The following RBMS3 variants were observed in gnomAD, a reference collection of about 807,000 sequenced individuals.
The protein encoded by RBMS3 is RNA-binding motif, single-stranded-interacting protein 3.
A neutral mutation model predicts 66.8 loss-of-function variants in RBMS3; 27 were observed. That is an observed-to-expected ratio of 0.40 (90% CI 0.30 to 0.56). The LOEUF (loss-of-function observed/expected upper bound fraction) is 0.56. Ranked by LOEUF, RBMS3 falls within the 20% of genes least tolerant of loss-of-function variation. The pLI, the probability that RBMS3 is intolerant of heterozygous loss-of-function variation, is 0.40. For synonymous variants in RBMS3, 188 were observed against 183.0 expected (o/e 1.03, Z -0.22); for missense variants, 513 against 549.5 (o/e 0.93, Z 0.66).
intron 1 of RBMS3, among the ~76,000 whole-genome samples, chr3:29,357,456 C>G (rs1416231254): frequency 1.3e-5 from 2 of 152,122 alleles, no homozygotes; most frequent in Non-Finnish European, 2.9e-5. Flanking sequence ...CATTGGTGGA[C>G]ATTTGGGTTG....
In RBMS3 at chr3:30,006,429, T is replaced by A. The variant is rs1346989701; in HGVS notation, c.*2567T>A. ...TGTATCCAAGAAAATGTAGTGTGCG[T>A]TATAGAGAAATTCCAACTGGTCACA... On this transcript the variant is annotated 3_prime_UTR_variant, in exon 15 of 15. Transcript: ENST00000383767. 6.6e-6 allele frequency: 1 copy of A among 151,888 alleles called. No individual in the cohort carries two copies. The highest frequency in any genetic ancestry group is 1.5e-5 in the Non-Finnish European group (1 of 67,838). 9.4% of individuals were successfully genotyped at this position (151,888 alleles called of 1,614,324 possible).
chr3:29,554,552 G>C (rs1331531201), intron 3 of RBMS3, among the ~76,000 whole-genome samples: 2 of 152,152 alleles, frequency 1.3e-5, no homozygotes, highest in Non-Finnish European at 2.9e-5. Flanking sequence ...AACATGACCA[G>C]TGATATGCTG....
chr3:29,736,381 C>T (rs1461142282), intron 4 of RBMS3, among the ~76,000 whole-genome samples: 1 of 152,188 alleles, frequency 6.6e-6, no homozygotes, highest in African/African-American at 2.4e-5. Flanking sequence ...GTACTAAGCT[C>T]TGCGTATTTA....
chr3:29,723,674 G>A (rs187193599), intron 4 of RBMS3, among the ~76,000 whole-genome samples: 25 of 152,220 alleles, frequency 1.6e-4, no homozygotes, highest in African/African-American at 5.8e-4. Context: ...AAGGTTGGGT[G>A]CCAGTTCTGC....
intron 1 of RBMS3, among the ~76,000 whole-genome samples, chr3:29,351,002 G>A (rs112247440): frequency 2.0e-5 from 3 of 151,184 alleles, no homozygotes; most frequent in African/African-American, 7.3e-5. Context: ...AATATTATGT[G>A]TATATATATA....
chr3:29,294,446 GA>G (rs202223715), intron 1 of RBMS3, among the ~76,000 whole-genome samples: 303 of 145,378 alleles, frequency 2.1e-3, no homozygotes, highest in African/African-American at 6.7e-3. Context: ...TAGAAAAAAA[GA>G]AAAAAAAAAC....
At chr3:29,809,522 G>C (rs901781190) in intron 6 of RBMS3, among the ~76,000 whole-genome samples, 2 of 151,910 alleles carry the variant, frequency 1.3e-5, no homozygotes, top group Non-Finnish European at 2.9e-5. Flanking sequence ...CTTCAACTAT[G>C]TCAATACTTC....
At chr3:29,946,202 A>G (rs1695294313) in intron 12 of RBMS3, among the ~76,000 whole-genome samples, 2 of 151,700 alleles carry the variant, frequency 1.3e-5, no homozygotes, top group Admixed American at 1.3e-4. Context: ...TGGTAGGACA[A>G]CTTCAATGAC....
chr3:29,298,481 C>G (rs1007968268), intron 1 of RBMS3, among the ~76,000 whole-genome samples: 2 of 151,868 alleles, frequency 1.3e-5, no homozygotes, highest in Non-Finnish European at 2.9e-5. Flanking sequence ...CTTTGCTTCC[C>G]TTATAGTTTG....
At chr3:29,457,112 A>T (rs1017682255) in intron 2 of RBMS3, among the ~76,000 whole-genome samples, 1 of 152,162 alleles carries the variant, frequency 6.6e-6, no homozygotes, top group African/African-American at 2.4e-5. Flanking sequence ...TGACACAGTC[A>T]GGTTTGACTC....
chr3:29,679,104 C>T (rs1405189679), intron 4 of RBMS3, among the ~76,000 whole-genome samples: 6 of 152,022 alleles, frequency 3.9e-5, no homozygotes, highest in African/African-American at 1.4e-4. Context: ...TTCATGGGCA[C>T]CACCTAGACC....
intron 5 of RBMS3, among the ~76,000 whole-genome samples, chr3:29,752,918 A>G (rs1277674236): frequency 6.6e-6 from 1 of 152,202 alleles, no homozygotes; most frequent in African/African-American, 2.4e-5. Context: ...AACAAAAGTA[A>G]GGTTGGTTTT....
chr3:29,612,278 T>A (rs888085452), intron 4 of RBMS3, among the ~76,000 whole-genome samples: 1 of 152,102 alleles, frequency 6.6e-6, no homozygotes, highest in Non-Finnish European at 1.5e-5. Context: ...CTGTAGATAC[T>A]GGTCTGCAAC....
At chr3:29,757,122 C>T (rs2055453501) in intron 5 of RBMS3, among the ~76,000 whole-genome samples, 1 of 152,126 alleles carries the variant, frequency 6.6e-6, no homozygotes, top group South Asian at 2.1e-4. Flanking sequence ...TTTCTGGTGA[C>T]CAGTCCCCAT....
At chr3:29,328,311 T>G (rs1455347168) in intron 1 of RBMS3, among the ~76,000 whole-genome samples, 2 of 152,304 alleles carry the variant, frequency 1.3e-5, no homozygotes, top group South Asian at 2.1e-4. Flanking sequence ...TGAGAACAAT[T>G]ATCTGTTTCG....
chr3:29,700,408 A>T (rs2052508645), intron 4 of RBMS3, among the ~76,000 whole-genome samples: 1 of 152,194 alleles, frequency 6.6e-6, no homozygotes. Context: ...ACATGAGCTT[A>T]TGAGGCTCCA....
intron 7 of RBMS3, among the ~76,000 whole-genome samples, chr3:29,872,401 C>G (rs1395296951): frequency 6.6e-6 from 1 of 152,100 alleles, no homozygotes; most frequent in African/African-American, 2.4e-5. Flanking sequence ...AGCATTCTCT[C>G]TTTTTCTATA....
At chr3:29,909,770 A>G (rs1428251518) in intron 10 of RBMS3, among the ~76,000 whole-genome samples, 1 of 152,036 alleles carries the variant, frequency 6.6e-6, no homozygotes, top group Non-Finnish European at 1.5e-5. Flanking sequence ...TTACTGTGGG[A>G]GTATGCGGGG....
intron 8 of RBMS3, among the ~76,000 whole-genome samples, chr3:29,892,619 CT>C (rs1484604833): frequency 6.6e-6 from 1 of 151,414 alleles, no homozygotes; most frequent in African/African-American, 2.4e-5. Context: ...AAGAAGTAAA[CT>C]TTTTTAACAG....
Sources: allele counts gnomAD v4.1 joint callset (sites outside exome capture counted in the v4.1 genomes callset), GRCh38; gene constraint gnomAD v4.1.1; transcripts MANE v1.5; gene names NCBI Gene and HGNC (gene_info 2026-07-23, HGNC 2026-07-21).